Variants in SUPT3H observed in about 807,000 individuals in gnomAD.
SUPT3H encodes the protein SPT3 homolog, SAGA and STAGA complex component.
Under a neutral mutation model 44.3 loss-of-function variants are expected in SUPT3H, and 44 were observed. The ratio of observed to expected loss-of-function variants is 0.99; its 90% CI spans 0.78 to 1.28. The LOEUF is 1.28. Ranked by LOEUF, SUPT3H falls within the 50% of genes most tolerant of loss-of-function variation. The pLI, the probability that SUPT3H is intolerant of heterozygous loss-of-function variation, is 0.00. For missense variants in SUPT3H, 380 were observed against 387.1 expected (o/e 0.98, Z 0.15); for synonymous variants, 124 against 125.6 (o/e 0.99, Z 0.09).
At chr6:45,296,547 T>C (rs1156725583) in intron 2 of SUPT3H, among the ~76,000 whole-genome samples, 1 of 151,840 alleles carries the variant, frequency 6.6e-6, no homozygotes, top group East Asian at 1.9e-4. Context: ...GAGACTAGCC[T>C]GGCCAACACG....
In SUPT3H at chr6:45,003,705, A is replaced by C. The variant is rs960990512; in HGVS notation, c.452T>G (p.Leu151Ter). ...AATTTCGTCATCTTCAAACATTGCT[A>C]AAAGTTCTCCTGTCTGGTCAATAGA... ...LNSIDQTGEL[L>*]AMFEDDEIDE... The change falls in exon 6 of 11, where the codon TTA (leucine) becomes TGA (stop). Residue 151 changes from leucine (L) to a stop codon, truncating the protein, a stop_gained. Transcript: ENST00000371459. LOFTEE classifies it high-confidence loss of function. 6.2e-7 allele frequency: 1 copy of C among 1,613,756 alleles called. No individual in the cohort carries two copies. Among genetic ancestry groups the C allele is most frequent in the Non-Finnish European group, 8.5e-7 (1 of 1,179,858 alleles).
Position 44,811,999 on chromosome 6 carries a change from GACTGATA to G in SUPT3H, c.*53-2505_*53-2499del, listed in dbSNP as rs1173088123. On this transcript the variant is annotated intron_variant and NMD_transcript_variant, in intron 11 of 11. Coordinates refer to the SUPT3H transcript ENST00000475057. ...GGTTCTGATTCTGTGACTGAACCCT[GACTGATA>G]ACTCAAGGTATGAGAGACTGATTTT... is the stretch of plus-strand genomic sequence containing the variant. Among the ~76,000 whole-genome samples the G allele has an allele frequency of 3.4e-4, 52 of 151,998 alleles. No individual in the cohort carries two copies. In the East Asian group the frequency reaches 8.5e-3, roughly 25 times the overall value.
At chr6:44,900,740 AC>A (rs1225352681) in intron 10 of SUPT3H, among the ~76,000 whole-genome samples, 1 of 152,024 alleles carries the variant, frequency 6.6e-6, no homozygotes, top group Non-Finnish European at 1.5e-5. Context: ...TGGGTCCCTG[AC>A]CCCCAAGTAG....
At chr6:44,898,633 A>G (rs1433703843) in intron 10 of SUPT3H, 1 of 152,382 alleles carries the variant, frequency 6.6e-6, no homozygotes, top group African/African-American at 2.4e-5. Context: ...TACAATAGAA[A>G]CCAGGCCTCC....
intron 2 of SUPT3H, among the ~76,000 whole-genome samples, chr6:45,347,284 C>T (rs749998955): frequency 1.4e-4 from 22 of 151,974 alleles, no homozygotes; most frequent in Non-Finnish European, 2.5e-4. Context: ...AAAATGAATT[C>T]GATTTCACTG....
chr6:44,840,886 T>C (rs1770824390), intron 10 of SUPT3H, among the ~76,000 whole-genome samples: 1 of 152,204 alleles, frequency 6.6e-6, no homozygotes, highest in Non-Finnish European at 1.5e-5. Context: ...AATTATATGG[T>C]GATATTAAAG....
intron 10 of SUPT3H, among the ~76,000 whole-genome samples, chr6:44,891,067 A>G (rs1400809925): frequency 1.3e-5 from 2 of 152,154 alleles, no homozygotes; most frequent in Non-Finnish European, 2.9e-5. Flanking sequence ...ACCATGGCAC[A>G]TGTATACCTA....
intron 2 of SUPT3H, among the ~76,000 whole-genome samples, chr6:45,108,372 T>C (rs138391253): frequency 2.0e-5 from 3 of 152,250 alleles, no homozygotes; most frequent in Admixed American, 1.3e-4. Context: ...AGGACTATAA[T>C]TGTCATGATT....
At chr6:45,154,587 T>C (rs553303699) in intron 2 of SUPT3H, among the ~76,000 whole-genome samples, 49 of 152,314 alleles carry the variant, frequency 3.2e-4, no homozygotes, top group African/African-American at 1.1e-3. Flanking sequence ...GGACAACTTT[T>C]GTTCACAGTG....
chr6:45,294,733 C>CAAAAAAAAAA lies in SUPT3H; in HGVS notation c.101+70458_101+70467dup, dbSNP rs56281990. On this transcript the variant is annotated intron_variant, in intron 2 of 10. Transcript: ENST00000371459. ...GAATCAACCCCTTTTACAATAGCTG[C>CAAAAAAAAAA]AAAAAAAAAAAAAAAAAAAAAAAAA... Among the ~76,000 whole-genome samples, 3 of 36,202 alleles carry CAAAAAAAAAA rather than the reference C, an allele frequency of 8.3e-5. 1 individual carries two copies. Among genetic ancestry groups the CAAAAAAAAAA allele is most frequent in the East Asian group, 9.8e-4 (1 of 1,024 alleles). 23.7% of individuals were successfully genotyped at this position (36,202 alleles called of 152,430 possible).
At chr6:45,156,137 T>C (rs757684021) in intron 2 of SUPT3H, among the ~76,000 whole-genome samples, 6 of 152,174 alleles carry the variant, frequency 3.9e-5, no homozygotes, top group Admixed American at 3.3e-4. Context: ...CCAATAATTA[T>C]GCTACCAAGC....
chr6:45,116,388 T>C (rs1800849704), intron 2 of SUPT3H, among the ~76,000 whole-genome samples: 1 of 152,134 alleles, frequency 6.6e-6, no homozygotes, highest in African/African-American at 2.4e-5. Flanking sequence ...ACACATACAC[T>C]TGTATCTTTA....
At chr6:45,282,093 A>G (rs987083722) in intron 2 of SUPT3H, among the ~76,000 whole-genome samples, 2 of 152,230 alleles carry the variant, frequency 1.3e-5, no homozygotes, top group Non-Finnish European at 2.9e-5. Flanking sequence ...TCTGTACGTC[A>G]CTATCATCAA....
chr6:45,186,154 C>A (rs1354471486), intron 2 of SUPT3H, among the ~76,000 whole-genome samples: 1 of 152,088 alleles, frequency 6.6e-6, no homozygotes, highest in African/African-American at 2.4e-5. Flanking sequence ...TGTAGTGGTA[C>A]TGGGGGAAAG....
intron 2 of SUPT3H, among the ~76,000 whole-genome samples, chr6:45,133,236 C>G (rs1267516201): frequency 6.6e-6 from 1 of 152,136 alleles, no homozygotes; most frequent in Non-Finnish European, 1.5e-5. Flanking sequence ...GCTAATACTC[C>G]ATATTACACG....
At position 44,827,021 on chromosome 6, in the gene SUPT3H, A is replaced by C. The variant is rs554395192; in HGVS notation, c.*2795T>G. ...CTAAATGGCACGTTCAGAAAGTTATACTTCCAAATTTAGGTGAAGGGAGAA... is the reference window on the plus strand; with the variant it reads ...CTAAATGGCACGTTCAGAAAGTTATCCTTCCAAATTTAGGTGAAGGGAGAA... On this transcript the variant is annotated 3_prime_UTR_variant, in exon 11 of 11. Coordinates refer to ENST00000371459, the MANE Select transcript of SUPT3H (RefSeq NM_003599.4). 6.6e-6 allele frequency among the ~76,000 whole-genome samples: 1 copy of C among 152,310 alleles called. No homozygotes were observed. Among genetic ancestry groups the C allele is most frequent in the African/African-American group, 2.4e-5 (1 of 41,596 alleles).
intron 2 of SUPT3H, among the ~76,000 whole-genome samples, chr6:45,309,097 G>T (rs1313094816): frequency 6.0e-5 from 9 of 150,266 alleles, no homozygotes; most frequent in Non-Finnish European, 1.3e-4. Context: ...AAAATAAATG[G>T]AGAAAGGATT....
chr6:44,989,402 G>A lies in SUPT3H; in HGVS notation c.504+14251C>T, dbSNP rs929925609. Among the ~76,000 whole-genome samples, 36 of 152,116 alleles carry A rather than the reference G, an allele frequency of 2.4e-4. 1 individual carries two copies. Among genetic ancestry groups the A allele is most frequent in the Admixed American group, 1.6e-3 (25 of 15,242 alleles). ...TCTTTATCCATTCACCTGCTGACAG[G>A]TCAGGTAGGCTGTTTCCACATCTTG... On this transcript the variant is annotated intron_variant, in intron 6 of 10. Transcript: ENST00000371459.
chr6:44,902,606 T>C (rs1352172704), intron 10 of SUPT3H, among the ~76,000 whole-genome samples: 1 of 152,048 alleles, frequency 6.6e-6, no homozygotes, highest in Non-Finnish European at 1.5e-5. Context: ...CCACTGTCAA[T>C]ATTAGACACA....
Sources: gnomAD v4.1 joint callset for allele counts (sites outside exome capture counted in the v4.1 genomes callset) on GRCh38, gnomAD v4.1.1 for gene constraint, MANE v1.5 for transcripts, NCBI Gene and HGNC (gene_info 2026-07-23, HGNC 2026-07-21) for gene names.